The following DPP6 variants were observed in gnomAD, a reference collection of about 807,000 sequenced individuals.
DPP6 encodes dipeptidyl peptidase like 6.
In DPP6, 69 loss-of-function variants were observed where a neutral mutation model predicts 122.6. That is an observed-to-expected ratio of 0.56 (90% confidence interval 0.46 to 0.69). The LOEUF (loss-of-function observed/expected upper bound fraction) is 0.69, where lower values mean the gene tolerates loss of function less well. Among genes scored for constraint, DPP6 ranks in the 30% least tolerant of loss-of-function variants. DPP6 has a pLI of 0.00. For missense variants in DPP6, 928 were observed against 1,116.9 expected (o/e 0.83, Z 2.41); for synonymous variants, 418 against 433.1 (o/e 0.97, Z 0.43).
chr7:154,779,155 C>T (rs1001763824), intron 10 of DPP6, among the ~76,000 whole-genome samples: 9 of 29,290 alleles, frequency 3.1e-4, no homozygotes, highest in African/African-American at 1.0e-3. Flanking sequence ...CCCCCACCAT[C>T]ATCTCCACTA....
At chr7:154,218,058 G>A (rs185399128) in intron 1 of DPP6, among the ~76,000 whole-genome samples, 1 of 152,332 alleles carries the variant, frequency 6.6e-6, no homozygotes, top group East Asian at 1.9e-4. Context: ...AATAAATCAA[G>A]AGAGGCTGAA....
the DPP6 span, among the ~76,000 whole-genome samples, chr7:153,811,665 C>T: frequency 1.3e-5 from 2 of 152,030 alleles, no homozygotes; most frequent in Non-Finnish European, 2.9e-5. Context: ...CCATGAGTCT[C>T]AATTCCTCAT....
At chr7:154,642,496 A>G (rs1461248751) in intron 6 of DPP6, among the ~76,000 whole-genome samples, 1 of 152,128 alleles carries the variant, frequency 6.6e-6, no homozygotes, top group East Asian at 1.9e-4. Flanking sequence ...AGGCTGAGGC[A>G]GGAGAATCGT....
chr7:153,948,796 C>G (rs1802068647), intron 1 of DPP6, among the ~76,000 whole-genome samples: 1 of 145,616 alleles, frequency 6.9e-6, no homozygotes, highest in Admixed American at 7.0e-5. Flanking sequence ...TTATTTCCTT[C>G]AAGCAGTAAT....
At chr7:154,454,232 C>T (rs1820633312) in intron 2 of DPP6, among the ~76,000 whole-genome samples, 1 of 152,210 alleles carries the variant, frequency 6.6e-6, no homozygotes, top group South Asian at 2.1e-4. Context: ...CTGGGCTCCT[C>T]CGTGCCTGCT....
intron 8 of DPP6, among the ~76,000 whole-genome samples, chr7:154,728,639 T>C (rs763806665): frequency 2.0e-5 from 3 of 152,226 alleles, no homozygotes; most frequent in African/African-American, 7.2e-5. Context: ...TAACAAGATA[T>C]AACAAGATTC....
intron 1 of DPP6, among the ~76,000 whole-genome samples, chr7:154,432,920 T>C (rs1818546850): frequency 6.6e-6 from 1 of 152,144 alleles, no homozygotes; most frequent in East Asian, 1.9e-4. Context: ...TCAAGGGCTG[T>C]AAGACAGCCA....
intron 1 of DPP6, among the ~76,000 whole-genome samples, chr7:154,191,737 A>C (rs1051701060): frequency 4.0e-4 from 61 of 152,322 alleles, no homozygotes; most frequent in Admixed American, 3.0e-3. Flanking sequence ...CTCATTACTG[A>C]TATTAACATT....
intron 3 of DPP6, among the ~76,000 whole-genome samples, chr7:154,493,494 A>G (rs777437506): frequency 1.4e-4 from 21 of 149,664 alleles, no homozygotes; most frequent in Non-Finnish European, 2.3e-4. Context: ...TTGAAGATGT[A>G]GACAGCAAAA....
At chr7:153,869,833 T>C in the DPP6 span, among the ~76,000 whole-genome samples, 1 of 152,340 alleles carries the variant, frequency 6.6e-6, no homozygotes, top group Admixed American at 6.5e-5. Context: ...GGAGCTCTTT[T>C]AGGGCAGGCC....
intron 1 of DPP6, chr7:153,968,578 T>G (rs1260056113): frequency 2.6e-5 from 4 of 151,708 alleles, no homozygotes; most frequent in African/African-American, 7.3e-5. Flanking sequence ...GAAGAGAAAC[T>G]TCAAACCTAT....
intron 1 of DPP6, among the ~76,000 whole-genome samples, chr7:154,111,425 T>C (rs1325120251): frequency 1.3e-5 from 2 of 151,904 alleles, no homozygotes; most frequent in African/African-American, 4.9e-5. Context: ...CAAGTCAAGC[T>C]CTTCTAGAAG....
intron 4 of DPP6, among the ~76,000 whole-genome samples, chr7:154,549,511 G>A (rs1312716032): frequency 6.6e-6 from 1 of 152,186 alleles, no homozygotes; most frequent in Non-Finnish European, 1.5e-5. Flanking sequence ...TTAGCGACAA[G>A]ATGACACACA....
intron 6 of DPP6, among the ~76,000 whole-genome samples, chr7:154,666,872 T>C (rs886858105): frequency 2.0e-5 from 3 of 152,232 alleles, no homozygotes; most frequent in African/African-American, 7.2e-5. Flanking sequence ...AGTGTTGGGC[T>C]GAAAGTTAAG....
At chr7:153,942,965 G>A (rs1355915987) in intron 1 of DPP6, among the ~76,000 whole-genome samples, 1 of 152,140 alleles carries the variant, frequency 6.6e-6, no homozygotes, top group South Asian at 2.1e-4. Context: ...ATGCATGGTT[G>A]ACCTGATGCT....
intron 1 of DPP6, among the ~76,000 whole-genome samples, chr7:153,919,365 G>A (rs898878970): frequency 6.6e-6 from 1 of 152,186 alleles, no homozygotes; most frequent in African/African-American, 2.4e-5. Flanking sequence ...CTGGGGACAA[G>A]ACCAGAGGGC....
intron 5 of DPP6, among the ~76,000 whole-genome samples, chr7:154,611,473 T>C (rs1278117279): frequency 1.3e-5 from 2 of 152,128 alleles, no homozygotes; most frequent in Non-Finnish European, 2.9e-5. Context: ...AGATGTTTTG[T>C]CTTTTGGTTC....
At chr7:154,844,638 T>C (rs978131783) in intron 16 of DPP6, among the ~76,000 whole-genome samples, 2 of 152,166 alleles carry the variant, frequency 1.3e-5, no homozygotes, top group Middle Eastern at 3.2e-3. Context: ...TAGACAGTAG[T>C]GGGCATGCAT....
intron 1 of DPP6, among the ~76,000 whole-genome samples, chr7:154,433,593 G>A (rs1234774054): frequency 6.6e-6 from 1 of 152,080 alleles, no homozygotes; most frequent in East Asian, 1.9e-4. Context: ...ACACCCGGGG[G>A]TTCTAAGGCT....
Sources: gnomAD v4.1 joint callset for allele counts (sites outside exome capture counted in the v4.1 genomes callset) on GRCh38, gnomAD v4.1.1 for gene constraint, MANE v1.5 for transcripts, NCBI Gene and HGNC (gene_info 2026-07-23, HGNC 2026-07-21) for gene names.